Variants in UBR1 observed in about 807,000 individuals in gnomAD.
The protein encoded by UBR1 is E3 ubiquitin-protein ligase UBR1.
Under a neutral mutation model 242.1 loss-of-function variants are expected in UBR1, and 102 were observed. That is an observed-to-expected ratio of 0.42 (90% confidence interval 0.36 to 0.50). The LOEUF (loss-of-function observed/expected upper bound fraction) is 0.50, where lower values mean the gene tolerates loss of function less well. UBR1 is among the 20% of genes least tolerant of loss of function. The pLI is 0.01. For synonymous variants in UBR1, 675 were observed against 684.8 expected, an observed-to-expected ratio of 0.99 and a Z score of 0.22; for missense variants, 1,772 against 2,101.8, an observed-to-expected ratio of 0.84 and a Z score of 3.07.
At position 43,005,052 on chromosome 15, in the gene UBR1, C is replaced by T. The variant is rs577473929; in HGVS notation, c.3416-1122G>A. 2.4e-3 allele frequency among the ~76,000 whole-genome samples: 366 copies of T among 150,694 alleles called. 1 individual carries two copies. Among genetic ancestry groups the T allele is most frequent in the Non-Finnish European group, 4.1e-3 (278 of 67,568 alleles). On this transcript the variant is annotated intron_variant, in intron 30 of 46. Coordinates refer to ENST00000290650, the MANE Select transcript of UBR1 (RefSeq NM_174916.3). ...GCGACCCCGTCTGGGAACTGAGGAG[C>T]GTCTCTGCCCGACCGCCACCCCATC... is the stretch of plus-strand genomic sequence containing the variant.
At chr15:42,958,437 T>G (rs971025062) in intron 43 of UBR1, among the ~76,000 whole-genome samples, 1 of 152,180 alleles carries the variant, frequency 6.6e-6, no homozygotes, top group Non-Finnish European at 1.5e-5. Flanking sequence ...ACTTCACAAG[T>G]CTTTGAACCT....
Position 43,070,811 on chromosome 15 carries a change from G to T in UBR1, c.643C>A (p.Pro215Thr), listed in dbSNP as rs62020750. Residue 215 changes from proline to threonine, a missense_variant, in exon 5 of 47, where the codon CCT becomes ACT. By Grantham distance (38) the Pro-to-Thr change is conservative. This residue lies in a region of UBR1 where 734 missense variants were observed against 893.3 expected (regional missense o/e 0.82). Coordinates refer to ENST00000290650, the MANE Select transcript of UBR1 (RefSeq NM_174916.3). ...TIWEEEKELP[P>T]ELQIREKNER... ...TTTCCCCACCTTATCTGGAGTTCAG[G>T]AGGCAGTTCTTTTTCCTCTTCCCAT... is the stretch of plus-strand genomic sequence containing the variant. The T allele has an allele frequency of 6.2e-7, 1 of 1,613,450 alleles. No individual in the cohort carries two copies.
chr15:43,034,640 C>A lies in UBR1; in HGVS notation c.2190+1538G>T, dbSNP rs115746013. Among the ~76,000 whole-genome samples the A allele has an allele frequency of 7.7e-3, 1,177 of 152,048 alleles. 13 individuals are homozygous for A. The highest frequency in any genetic ancestry group is 0.026 in the African/African-American group (1,059 of 41,478). ...GGCCAGGCACGGTGGCTCACCAGAA[C>A]TTTGGGAGGCCAAGGCGGGCAGATC... is the stretch of plus-strand genomic sequence containing the variant. On this transcript the variant is annotated intron_variant, in intron 19 of 46. Transcript: ENST00000290650.
intron 37 of UBR1, 122 bp from the exon 38 acceptor site, chr15:42,978,069 C>A: frequency 1.3e-6 from 1 of 746,334 alleles, no homozygotes; most frequent in Non-Finnish European, 2.3e-6. Flanking sequence ...GAAACTAATA[C>A]ATCACACCTT....
intron 30 of UBR1, 44 bp from the exon 31 acceptor site, chr15:43,003,974 T>A (rs147094578): frequency 3.2e-6 from 5 of 1,560,244 alleles, no homozygotes; most frequent in Middle Eastern, 1.7e-4. Context: ...AGACAGGTTA[T>A]CAGGTCCAAA....
intron 37 of UBR1, among the ~76,000 whole-genome samples, chr15:42,983,033 T>C (rs966651314): frequency 6.6e-6 from 1 of 152,176 alleles, no homozygotes; most frequent in African/African-American, 2.4e-5. Flanking sequence ...CTGCATTTTA[T>C]TTCTATACTA....
In UBR1 at chr15:43,029,979, G is replaced by A. The variant is rs375913511; in HGVS notation, c.2344C>T (p.Pro782Ser). 4.3e-6 allele frequency: 7 copies of A among 1,613,938 alleles called. No homozygotes were observed. Among genetic ancestry groups the A allele is most frequent in the South Asian group, 2.2e-5 (2 of 91,076 alleles). ...IIHLLCIEPM[P>S]HSAIAKNLPE... ...AAATTTTTGGCAATGGCACTGTGTG[G>A]CATGGGTTCAATGCAAAGCAAGTGA... Residue 782 changes from proline (P) to serine (S), a missense_variant, in exon 21 of 47, where the codon CCA becomes TCA. Pro to Ser is a moderately conservative substitution (Grantham distance 74, BLOSUM62 -1). This residue lies in a region of UBR1 where 73 missense variants were observed against 128.9 expected (regional missense o/e 0.57). Coordinates refer to ENST00000290650, the MANE Select transcript of UBR1 (RefSeq NM_174916.3).
At chr15:43,031,350 C>T (rs1410463468) in intron 20 of UBR1, among the ~76,000 whole-genome samples, 1 of 151,894 alleles carries the variant, frequency 6.6e-6, no homozygotes, top group African/African-American at 2.4e-5. Flanking sequence ...CAAAATTATA[C>T]TACAATATTA....
chr15:42,966,796 C>G (rs1327919879), intron 40 of UBR1, among the ~76,000 whole-genome samples: 1 of 151,882 alleles, frequency 6.6e-6, no homozygotes, highest in Non-Finnish European at 1.5e-5. Context: ...AGGCAAGGAA[C>G]TACTCTTCTT....
At chr15:43,017,872 T>A (rs2033050996) in intron 27 of UBR1, among the ~76,000 whole-genome samples, 1 of 151,930 alleles carries the variant, frequency 6.6e-6, no homozygotes, top group South Asian at 2.1e-4. Context: ...ACAACACCTC[T>A]ATCAGAATAT....
intron 41 of UBR1, among the ~76,000 whole-genome samples, chr15:42,965,578 C>T (rs1003131715): frequency 6.6e-6 from 1 of 152,018 alleles, no homozygotes; most frequent in Non-Finnish European, 1.5e-5. Flanking sequence ...ATTCTCCCAC[C>T]TCAGCCTCCT....
intron 27 of UBR1, among the ~76,000 whole-genome samples, chr15:43,019,761 A>AT (rs11413335): frequency 0.63 from 87,181 of 138,132 alleles, 28,963 homozygotes; most frequent in Admixed American, 0.74. Flanking sequence ...CGCCCAGCTA[A>AT]TTTTTTTTTT....
chr15:43,058,951 C>G lies in UBR1; in HGVS notation c.1093+134G>C, dbSNP rs541911804. 1.1e-4 allele frequency: 85 copies of G among 771,556 alleles called. No individual in the cohort carries two copies. In the African/African-American group the frequency reaches 1.2e-3, roughly 11 times the overall value. 47.8% of individuals were successfully genotyped at this position (771,556 alleles called of 1,614,324 possible). A position where few individuals can be genotyped will look rare whatever the true frequency, so the allele number is the denominator to read the frequency against. ...ATACTGACTGGTTAAACTTTATATT[C>G]ACATGTAGTATCTTATCAATCAAGA... On this transcript the variant is annotated intron_variant, in intron 9 of 46. Coordinates refer to ENST00000290650, the MANE Select transcript of UBR1 (RefSeq NM_174916.3).
chr15:43,076,261 C>G (rs369334495), intron 3 of UBR1, among the ~76,000 whole-genome samples: 1 of 152,022 alleles, frequency 6.6e-6, no homozygotes, highest in South Asian at 2.1e-4. Flanking sequence ...GGATTGCAGA[C>G]GGAGTCTCGT....
chr15:42,964,261 G>A (rs2032070340), intron 41 of UBR1, among the ~76,000 whole-genome samples: 1 of 152,002 alleles, frequency 6.6e-6, no homozygotes. Flanking sequence ...CCTGAGGTCG[G>A]GAGTTCAAGA....
chr15:43,064,284 A>G (rs905298264), intron 6 of UBR1, among the ~76,000 whole-genome samples: 1 of 152,254 alleles, frequency 6.6e-6, no homozygotes, highest in Non-Finnish European at 1.5e-5. Context: ...AGAGGAAAGC[A>G]AACATAAGAA....
intron 38 of UBR1, among the ~76,000 whole-genome samples, chr15:42,977,322 G>A (rs2032306166): frequency 6.6e-6 from 1 of 152,114 alleles, no homozygotes. Flanking sequence ...GGGGGATGAG[G>A]ATGTTGGCTA....
chr15:43,028,333 G>C (rs1368090600), intron 21 of UBR1, among the ~76,000 whole-genome samples: 1 of 151,986 alleles, frequency 6.6e-6, no homozygotes, highest in African/African-American at 2.4e-5. Flanking sequence ...TCCTTAAATA[G>C]GGAACACTAT....
intron 3 of UBR1, among the ~76,000 whole-genome samples, chr15:43,076,799 C>A (rs1482562234): frequency 7.3e-6 from 1 of 136,400 alleles, no homozygotes; most frequent in Non-Finnish European, 1.6e-5. Flanking sequence ...CCCGCCCGGC[C>A]AGCCGCCCCG....
Sources: allele counts gnomAD v4.1 joint callset (sites outside exome capture counted in the v4.1 genomes callset), GRCh38; gene constraint gnomAD v4.1.1; regional missense constraint gnomAD v4.1.1; transcripts MANE v1.5; gene names NCBI Gene and HGNC (gene_info 2026-07-23, HGNC 2026-07-21).